ILDR1: variants seen among roughly 807,000 people sequenced by gnomAD.
The protein encoded by ILDR1 is immunoglobulin like domain containing receptor 1.
A neutral mutation model predicts 62.4 loss-of-function variants in ILDR1; 56 were observed. The observed-to-expected ratio is 0.90, with a 90% CI of 0.72 to 1.12. ILDR1 has a LOEUF of 1.12. Ranked by LOEUF, ILDR1 falls within the 50% of genes most tolerant of loss-of-function variation. The pLI is 0.00. For synonymous variants in ILDR1, 284 were observed against 277.8 expected (o/e 1.02, Z -0.22); for missense variants, 736 against 710.6 (o/e 1.04, Z -0.41).
At chr3:122,035,537 G>T in the ILDR1 span, among the ~76,000 whole-genome samples, 18 of 152,266 alleles carry the variant, frequency 1.2e-4, no homozygotes, top group African/African-American at 3.9e-4. Flanking sequence ...TGATTGGATC[G>T]TGGGGGCAGA....
chr3:122,023,771 C>A (rs72965416), upstream of ILDR1, among the ~76,000 whole-genome samples: 851 of 152,052 alleles, frequency 5.6e-3, 6 homozygotes, highest in African/African-American at 0.019. Flanking sequence ...ATAGGTCTTC[C>A]GTGGAGGGAT....
chr3:122,039,890 A>T, the ILDR1 span, among the ~76,000 whole-genome samples: 1 of 152,054 alleles, frequency 6.6e-6, no homozygotes, highest in African/African-American at 2.4e-5. Flanking sequence ...ACAAGTTCTT[A>T]AAAGACTCAG....
chr3:122,021,559 CA>C (rs1399082182), intron 1 of ILDR1, among the ~76,000 whole-genome samples: 1 of 152,148 alleles, frequency 6.6e-6, no homozygotes, highest in East Asian at 1.9e-4. Context: ...TGGTCCTGCA[CA>C]GTAGATTCAG....
chr3:122,022,899 C>A (rs1298306739), upstream of ILDR1, among the ~76,000 whole-genome samples: 19 of 148,158 alleles, frequency 1.3e-4, no homozygotes, highest in Admixed American at 1.3e-3. Flanking sequence ...GGCGACAGAG[C>A]GAAACTCGGT....
At chr3:122,036,624 A>G in the ILDR1 span, among the ~76,000 whole-genome samples, 5 of 151,956 alleles carry the variant, frequency 3.3e-5, no homozygotes, top group Non-Finnish European at 5.9e-5. Context: ...GAGCATAAAT[A>G]TTTGGAAAAT....
At chr3:122,013,188 T>C (rs1444246739) in intron 1 of ILDR1, among the ~76,000 whole-genome samples, 2 of 152,200 alleles carry the variant, frequency 1.3e-5, no homozygotes, top group East Asian at 1.9e-4. Context: ...CTTTGCACAT[T>C]TTTTTATTCC....
At chr3:122,047,868 C>G in the ILDR1 span, among the ~76,000 whole-genome samples, 6 of 152,190 alleles carry the variant, frequency 3.9e-5, no homozygotes, top group Non-Finnish European at 7.3e-5. Context: ...AGAAATCACC[C>G]GTCTTCTGCG....
chr3:122,029,540 G>A, the ILDR1 span, among the ~76,000 whole-genome samples: 213 of 134,584 alleles, frequency 1.6e-3, 1 homozygote, highest in Middle Eastern at 7.5e-3. Context: ...ATATTTAGGG[G>A]AATGGGACTC....
At chr3:122,052,960 C>T in the ILDR1 span, among the ~76,000 whole-genome samples, 7 of 152,222 alleles carry the variant, frequency 4.6e-5, no homozygotes, top group Non-Finnish European at 8.8e-5. Context: ...AACCATGTGG[C>T]CCTGTGCCGA....
intron 5 of ILDR1, 69 bp downstream of exon 5, chr3:122,001,239 T>G: frequency 6.4e-7 from 1 of 1,567,408 alleles, no homozygotes; most frequent in East Asian, 2.2e-5. Context: ...ACCTGGCACT[T>G]GAAGCTGATC....
the ILDR1 span, among the ~76,000 whole-genome samples, chr3:122,035,331 A>G: frequency 1.3e-5 from 2 of 152,208 alleles, no homozygotes; most frequent in Non-Finnish European, 2.9e-5. Context: ...TTGTAACACC[A>G]GTGAAGGCCC....
At chr3:121,996,189 T>C (rs2071433066) in intron 5 of ILDR1, among the ~76,000 whole-genome samples, 1 of 152,198 alleles carries the variant, frequency 6.6e-6, no homozygotes, top group Admixed American at 6.5e-5. Flanking sequence ...TAGCCACTCC[T>C]CCTGCTTCCT....
At chr3:122,037,981 C>T in the ILDR1 span, among the ~76,000 whole-genome samples, 1 of 152,134 alleles carries the variant, frequency 6.6e-6, no homozygotes, top group Non-Finnish European at 1.5e-5. Context: ...TTTCCTCTTC[C>T]ACCATGGTAG....
Position 121,993,915 on chromosome 3 carries a change from C to A in ILDR1, c.834G>T (p.Gln278His), listed in dbSNP as rs1440624974. Reference sequence around the variant, plus strand: ...CCAGGACACCATTGGCGATGGGAGGCTGATTGGTGGTCTGGGTCATTGGCA... The same window carrying A: ...CCAGGACACCATTGGCGATGGGAGGATGATTGGTGGTCTGGGTCATTGGCA... The part of the protein sequence containing the change: ...PQMPMTQTTN[Q>H]PPIANGVLEY... Residue 278 changes from glutamine (Q) to histidine (H), a missense_variant, in exon 7 of 8, where the codon CAG (glutamine) becomes CAT (histidine). Gln to His is a conservative substitution (Grantham distance 24). Coordinates refer to ENST00000344209, the MANE Select transcript of ILDR1 (RefSeq NM_001199799.2). 14 of 1,613,512 alleles carry A rather than the reference C, an allele frequency of 8.7e-6. No individual in the cohort carries two copies. The highest frequency in any genetic ancestry group is 1.2e-5 in the Non-Finnish European group (14 of 1,180,028).
the ILDR1 span, among the ~76,000 whole-genome samples, chr3:122,036,433 C>T: frequency 1.3e-5 from 2 of 151,750 alleles, no homozygotes; most frequent in Non-Finnish European, 2.9e-5. Flanking sequence ...ACTAAAAATA[C>T]AAAAAATTAG....
At chr3:122,049,001 A>T in the ILDR1 span, among the ~76,000 whole-genome samples, 1 of 152,172 alleles carries the variant, frequency 6.6e-6, no homozygotes, top group Non-Finnish European at 1.5e-5. Context: ...GTTATTTAAC[A>T]TGTAGGGTTA....
At chr3:122,020,921 C>T (rs948551810) in intron 1 of ILDR1, among the ~76,000 whole-genome samples, 2 of 152,192 alleles carry the variant, frequency 1.3e-5, no homozygotes, top group African/African-American at 4.8e-5. Context: ...TTGCAAGCCT[C>T]TCTCCCTTTT....
chr3:122,030,861 T>C, the ILDR1 span, among the ~76,000 whole-genome samples: 1 of 152,196 alleles, frequency 6.6e-6, no homozygotes, highest in Admixed American at 6.5e-5. Context: ...CAGGTGGTTC[T>C]AATCTGCAGC....
intron 2 of ILDR1, among the ~76,000 whole-genome samples, chr3:122,006,283 AAATT>A (rs2071609169): frequency 6.6e-6 from 1 of 152,122 alleles, no homozygotes; most frequent in South Asian, 2.1e-4. Context: ...AATCTCCAAA[AAATT>A]AATTGTCTTG....
Sources: gnomAD v4.1 joint callset for allele counts (sites outside exome capture counted in the v4.1 genomes callset) on GRCh38, gnomAD v4.1.1 for gene constraint, MANE v1.5 for transcripts, NCBI Gene and HGNC (gene_info 2026-07-23, HGNC 2026-07-21) for gene names.